COL5A1: variants seen among roughly 807,000 people sequenced by gnomAD.
COL5A1 encodes collagen alpha-1(V) chain.
COL5A1 carries 16 observed loss-of-function variants against 263.7 expected under a neutral mutation model. The ratio of observed to expected loss-of-function variants is 0.06; its 90% confidence interval spans 0.04 to 0.09. The LOEUF (loss-of-function observed/expected upper bound fraction) is 0.09, where lower values mean the gene tolerates loss of function less well. Among genes scored for constraint, COL5A1 ranks in the 10% least tolerant of loss-of-function variants. COL5A1 has a pLI of 1.00. For synonymous variants in COL5A1, 1,012 were observed against 1,004.5 expected (o/e 1.01, Z -0.14); for missense variants, 2,036 against 2,540.5 (o/e 0.80, Z 4.27).
Position 134,767,295 on chromosome 9 carries a change from C to T in COL5A1, c.2188-15C>T, listed in dbSNP as rs1308708773. On this transcript the variant is annotated splice_polypyrimidine_tract_variant and intron_variant, in intron 23 of 65. Transcript: ENST00000371817. ...GCGCCCTCACCTTCCCTTTCTGGCTCTTTCTCCCTCTTAGGGTCTTCCAGG... is the reference window on the plus strand; with the variant it reads ...GCGCCCTCACCTTCCCTTTCTGGCTTTTTCTCCCTCTTAGGGTCTTCCAGG... 6.2e-7 allele frequency: 1 copy of T among 1,614,002 alleles called. No homozygotes were observed. The highest frequency in any genetic ancestry group is 1.3e-5 in the African/African-American group (1 of 75,038).
chr9:134,759,904 T>C (rs111063908), intron 18 of COL5A1, among the ~76,000 whole-genome samples: 13,567 of 52,878 alleles, frequency 0.26, 1,994 homozygotes, highest in African/African-American at 0.43. Flanking sequence ...CACACACCCA[T>C]GCACCCCCAC....
intron 4 of COL5A1, among the ~76,000 whole-genome samples, chr9:134,722,529 C>T (rs1396940718): frequency 2.6e-5 from 4 of 152,160 alleles, no homozygotes; most frequent in South Asian, 2.1e-4. Context: ...TTGGGGCTTC[C>T]GGGGAAGCAG....
At chr9:134,707,360 C>G (rs923017516) in intron 4 of COL5A1, among the ~76,000 whole-genome samples, 7 of 152,242 alleles carry the variant, frequency 4.6e-5, no homozygotes, top group Admixed American at 2.6e-4. Flanking sequence ...CTCCATCTGT[C>G]TGCCTTCATT....
chr9:134,820,341 G>A (rs1838944624), intron 58 of COL5A1, 118 bp downstream of exon 58: 1 of 778,938 alleles, frequency 1.3e-6, no homozygotes, highest in African/African-American at 1.7e-5. Flanking sequence ...CACGTCGGTT[G>A]AGTCCGGTCA....
intron 31 of COL5A1, among the ~76,000 whole-genome samples, chr9:134,787,346 T>C (rs35084901): frequency 0.18 from 27,933 of 152,218 alleles, 3,849 homozygotes; most frequent in African/African-American, 0.39. Context: ...TCCTGGGTCC[T>C]GCCCCCTGCC....
At chr9:134,763,869 G>A (rs1836556903) in intron 20 of COL5A1, 132 bp downstream of exon 20, 2 of 881,678 alleles carry the variant, frequency 2.3e-6, no homozygotes, top group Non-Finnish European at 1.7e-6. Context: ...AGAACAGACG[G>A]ACCTGGGCAT....
chr9:134,650,358 C>G (rs1006165465), intron 1 of COL5A1, among the ~76,000 whole-genome samples: 1 of 152,200 alleles, frequency 6.6e-6, no homozygotes, highest in Non-Finnish European at 1.5e-5. Flanking sequence ...GGGACCAGCA[C>G]TCTTTCCCGT....
At chr9:134,796,502 G>C in intron 35 of COL5A1, 84 bp downstream of exon 35, 1 of 1,394,622 alleles carries the variant, frequency 7.2e-7, no homozygotes, top group South Asian at 1.2e-5. Context: ...GGGTGGGCTG[G>C]GGCCAGGGAG....
Position 134,758,336 on chromosome 9 carries a change from C to T in COL5A1, c.1935+40C>T, listed in dbSNP as rs564684033. On this transcript the variant is annotated intron_variant, in intron 18 of 65. Transcript: ENST00000371817. This position sits in a 1 kb window ranked among gnomAD's most constrained non-coding sequence, Gnocchi z 4.1. Reference sequence around the variant, plus strand: ...TGTGAGACACAGGCATGACGATGGGCAGCAGAGGTGTCTCTCGGGAGGCCC... The same window carrying T: ...TGTGAGACACAGGCATGACGATGGGTAGCAGAGGTGTCTCTCGGGAGGCCC... 3.1e-6 allele frequency: 5 copies of T among 1,600,072 alleles called. No homozygotes were observed. The African/African-American group carries it at 4.0e-5, about 13-fold the overall frequency.
chr9:134,770,556 C>T (rs932326760), intron 25 of COL5A1, among the ~76,000 whole-genome samples: 9 of 152,196 alleles, frequency 5.9e-5, no homozygotes, highest in African/African-American at 2.2e-4. Context: ...ATCTACCATG[C>T]CAAGGGCGCA....
intron 1 of COL5A1, among the ~76,000 whole-genome samples, chr9:134,668,045 A>G (rs1832412400): frequency 1.3e-5 from 2 of 152,184 alleles, no homozygotes; most frequent in South Asian, 2.1e-4. Context: ...TGGATGTACC[A>G]GGCACTTTGG....
At position 134,749,806 on chromosome 9, in the gene COL5A1, G is replaced by A. The variant is rs117629028; in HGVS notation, c.1495-736G>A. 2.6e-5 allele frequency among the ~76,000 whole-genome samples: 4 copies of A among 152,326 alleles called. No individual in the cohort carries two copies. The East Asian group carries it at 7.7e-4, about 29-fold the overall frequency. ...GCCAGCTGAGAATCTGCTTGCTTTT[G>A]TGAAATAGCTTTGTGATCAAATATT... On this transcript the variant is annotated intron_variant, in intron 11 of 65. Transcript: ENST00000371817.
chr9:134,800,398 A>T (rs1838064909), intron 37 of COL5A1, among the ~76,000 whole-genome samples: 1 of 152,166 alleles, frequency 6.6e-6, no homozygotes, highest in South Asian at 2.1e-4. Flanking sequence ...CGATCATTCT[A>T]GCCCACAGCT....
chr9:134,789,069 G>A lies in COL5A1; in HGVS notation c.2647-86G>A, dbSNP rs913871849. ...AGTCTGGGGCAGAGGCTGTGCACTG[G>A]CATGCAGGTGGTCCCCCAGGCGGCC... is the stretch of plus-strand genomic sequence containing the variant. On this transcript the variant is annotated intron_variant, in intron 31 of 65. Transcript: ENST00000371817. This position sits in a 1 kb window ranked among gnomAD's most constrained non-coding sequence, Gnocchi z 4.8. 7 of 1,172,500 alleles carry A rather than the reference G, an allele frequency of 6.0e-6. No individual in the cohort carries two copies. The African/African-American group carries it at 1.1e-4, about 18-fold the overall frequency. 72.6% of individuals were successfully genotyped at this position (1,172,500 alleles called of 1,614,324 possible). A position where few individuals can be genotyped will look rare whatever the true frequency, so the allele number is the denominator to read the frequency against.
rs1400981092 is a variant in COL5A1 at position 134,812,589 on chromosome 9, C to G, written c.3745-16C>G. On this transcript the variant is annotated splice_polypyrimidine_tract_variant and intron_variant, in intron 47 of 65. Coordinates refer to ENST00000371817, the MANE Select transcript of COL5A1 (RefSeq NM_000093.5). ...TTGCGTTTCCTCTGGGCTCAGTGGT[C>G]TCTCCCTTTTCCTAGGGCCCCCCGG... 1.2e-6 allele frequency: 2 copies of G among 1,609,480 alleles called. No homozygotes were observed. Among genetic ancestry groups the G allele is most frequent in the Non-Finnish European group, 1.7e-6 (2 of 1,176,872 alleles).
At chr9:134,790,503 C>T (rs1162382729) in intron 32 of COL5A1, among the ~76,000 whole-genome samples, 2 of 96,106 alleles carry the variant, frequency 2.1e-5, no homozygotes, top group African/African-American at 4.1e-5. Flanking sequence ...CCCACCCACC[C>T]ACCCACCCAT....
intron 38 of COL5A1, among the ~76,000 whole-genome samples, chr9:134,802,427 T>C (rs1253093235): frequency 1.3e-5 from 2 of 152,146 alleles, no homozygotes; most frequent in African/African-American, 4.8e-5. Context: ...ATTGATGGCT[T>C]AGAGCTGCAG....
chr9:134,789,270 G>T lies in COL5A1; in HGVS notation c.2700+62G>T. 1 of 1,405,416 alleles carries T rather than the reference G, an allele frequency of 7.1e-7. No individual in the cohort carries two copies. The highest frequency in any genetic ancestry group is 1.0e-6 in the Non-Finnish European group (1 of 995,728). 87.1% of individuals were successfully genotyped at this position (1,405,416 alleles called of 1,614,324 possible). On this transcript the variant is annotated intron_variant, in intron 32 of 65. Transcript: ENST00000371817. The surrounding 1 kb of genome is among the most constrained non-coding windows in gnomAD (Gnocchi z 4.8). The stretch of plus-strand genomic sequence containing the variant: ...CGGCTGCCTCGGTGCCTAGCAAGTT[G>T]GTTCTCCAGCCGACGGCCTGTTTAT...
At chr9:134,824,533 C>T (rs1839171321) in intron 61 of COL5A1, 67 bp from the exon 62 acceptor site, 4 of 1,600,382 alleles carry the variant, frequency 2.5e-6, no homozygotes, top group Non-Finnish European at 3.4e-6. Context: ...GCTGTCCCTG[C>T]TCTGCTCATA....
Sources: gnomAD v4.1 joint callset for allele counts (sites outside exome capture counted in the v4.1 genomes callset) on GRCh38, gnomAD v4.1.1 for gene constraint, Gnocchi (gnomAD v3.1) non-coding constraint, MANE v1.5 for transcripts, NCBI Gene and HGNC (gene_info 2026-07-23, HGNC 2026-07-21) for gene names.